Variants in RCBTB1 observed in about 807,000 individuals in gnomAD.
The protein encoded by RCBTB1 is RCC1 and BTB domain containing protein 1.
In RCBTB1, 46 loss-of-function variants were observed where a neutral mutation model predicts 62.4. The observed-to-expected ratio is 0.74, with a 90% CI of 0.58 to 0.94. RCBTB1 has a LOEUF of 0.94. Among genes scored for constraint, RCBTB1 ranks in the 40% least tolerant of loss-of-function variants. RCBTB1 has a pLI of 0.00. For missense variants in RCBTB1, 565 were observed against 654.9 expected (o/e 0.86, Z 1.50); for synonymous variants, 222 against 245.8 (o/e 0.90, Z 0.91).
chr13:49,541,937 C>T (rs554427800), intron 10 of RCBTB1, 110 bp from the exon 11 acceptor site: 108 of 1,263,764 alleles, frequency 8.5e-5, no homozygotes, highest in Non-Finnish European at 1.1e-4. Context: ...ATCCTTGGGC[C>T]GGGCGTGGTG....
intron 2 of RCBTB1, among the ~76,000 whole-genome samples, chr13:49,578,776 A>G (rs997213574): frequency 2.0e-5 from 3 of 152,244 alleles, no homozygotes; most frequent in Admixed American, 6.5e-5. Context: ...CTCAGTGAAG[A>G]TCATCCAGTT....
chr13:49,562,914 C>T (rs1962565439), intron 4 of RCBTB1, among the ~76,000 whole-genome samples: 1 of 151,144 alleles, frequency 6.6e-6, no homozygotes, highest in Admixed American at 6.6e-5. Flanking sequence ...CATGAGCCAC[C>T]ACACACAGCC....
intron 12 of RCBTB1, among the ~76,000 whole-genome samples, chr13:49,540,468 GATACAAATC>G (rs1016639466): frequency 2.8e-4 from 43 of 152,334 alleles, no homozygotes; most frequent in Admixed American, 2.4e-3. Flanking sequence ...AGCGTACACA[GATACAAATC>G]ATACACATCC....
chr13:49,547,674 C>T (rs1960924409), intron 9 of RCBTB1, among the ~76,000 whole-genome samples: 2 of 152,152 alleles, frequency 1.3e-5, no homozygotes, highest in Non-Finnish European at 2.9e-5. Flanking sequence ...TTCCACTACC[C>T]TTTATAATAC....
At chr13:49,584,175 C>T (rs1964263689) in intron 1 of RCBTB1, among the ~76,000 whole-genome samples, 1 of 152,208 alleles carries the variant, frequency 6.6e-6, no homozygotes, top group Non-Finnish European at 1.5e-5. Context: ...AAGCTACAAG[C>T]TTGACAGCTT....
chr13:49,585,278 C>A (rs1964338458), intron 1 of RCBTB1, among the ~76,000 whole-genome samples, 166 bp downstream of exon 1: 1 of 152,142 alleles, frequency 6.6e-6, no homozygotes, highest in African/African-American at 2.4e-5. Context: ...CCCCATCCCT[C>A]GCCCCGGACG....
chr13:49,558,695 C>CAAAAA (rs1186659232), intron 5 of RCBTB1, among the ~76,000 whole-genome samples: 2,083 of 58,480 alleles, frequency 0.036, 101 homozygotes, highest in African/African-American at 0.12. Context: ...ACTCTGTCTC[C>CAAAAA]AAAAAAAAAA....
chr13:49,570,665 G>C (rs1963335246), intron 2 of RCBTB1, among the ~76,000 whole-genome samples: 2 of 152,186 alleles, frequency 1.3e-5, no homozygotes, highest in Non-Finnish European at 2.9e-5. Context: ...CAGTAATATT[G>C]GCCAAGCAAG....
chr13:49,546,410 C>G (rs1443331942), intron 9 of RCBTB1: 1 of 954,628 alleles, frequency 1.0e-6, no homozygotes, highest in Non-Finnish European at 1.2e-6. Flanking sequence ...TTTTTGGTAC[C>G]AGGGACCAGT....
chr13:49,558,612 T>C (rs973084672), intron 5 of RCBTB1, among the ~76,000 whole-genome samples: 4 of 147,732 alleles, frequency 2.7e-5, no homozygotes, highest in African/African-American at 1.0e-4. Flanking sequence ...GAGAATCACT[T>C]GTACCCAGGA....
intron 1 of RCBTB1, among the ~76,000 whole-genome samples, chr13:49,582,487 C>CTAAA (rs112388488): frequency 1.2e-3 from 188 of 151,754 alleles, no homozygotes; most frequent in African/African-American, 2.4e-3. Flanking sequence ...AATTCTGTCT[C>CTAAA]TAAATAAATA....
intron 11 of RCBTB1, 119 bp downstream of exon 11, chr13:49,541,557 C>A: frequency 1.1e-6 from 1 of 925,076 alleles, no homozygotes; most frequent in Non-Finnish European, 1.6e-6. Context: ...TACTTCAAAT[C>A]TTTTTTAAGC....
At chr13:49,579,298 C>T (rs1001928168) in intron 2 of RCBTB1, among the ~76,000 whole-genome samples, 8 of 152,210 alleles carry the variant, frequency 5.3e-5, no homozygotes, top group South Asian at 4.1e-4. Context: ...CTGTCATCCA[C>T]GTCTCTCTTC....
At chr13:49,569,557 C>CAA (rs1038341291) in intron 2 of RCBTB1, among the ~76,000 whole-genome samples, 3 of 151,486 alleles carry the variant, frequency 2.0e-5, no homozygotes, top group African/African-American at 7.3e-5. Flanking sequence ...ACTGAAAATA[C>CAA]AAAAAAAATT....
At chr13:49,546,265 T>C (rs1427002671) in intron 9 of RCBTB1, 1 of 985,248 alleles carries the variant, frequency 1.0e-6, no homozygotes, top group African/African-American at 1.7e-5. Flanking sequence ...GAAGAAATCC[T>C]CCTCAAAGGG....
intron 6 of RCBTB1, among the ~76,000 whole-genome samples, chr13:49,552,743 CTT>C (rs1243515160): frequency 6.6e-6 from 1 of 152,044 alleles, no homozygotes; most frequent in Admixed American, 6.6e-5. Flanking sequence ...TTAAGGAAGA[CTT>C]TTCAAAAAGT....
At chr13:49,585,072 GA>G (rs1964318728) in intron 1 of RCBTB1, among the ~76,000 whole-genome samples, 1 of 152,190 alleles carries the variant, frequency 6.6e-6, no homozygotes, top group Admixed American at 6.5e-5. Flanking sequence ...GAGAGAATAG[GA>G]AGAGTCGGAG....
chr13:49,561,755 C>T (rs977392604), intron 4 of RCBTB1, among the ~76,000 whole-genome samples: 4 of 143,414 alleles, frequency 2.8e-5, no homozygotes, highest in African/African-American at 1.0e-4. Context: ...GAAAACCCTA[C>T]AAAAAAAAAA....
intron 8 of RCBTB1, 128 bp from the exon 9 acceptor site, chr13:49,549,776 C>T (rs1486963456): frequency 2.1e-6 from 3 of 1,436,788 alleles, no homozygotes; most frequent in Non-Finnish European, 2.7e-6. Context: ...GGGACACTAG[C>T]TGCCAAGTCA....
Sources: allele counts gnomAD v4.1 joint callset (sites outside exome capture counted in the v4.1 genomes callset), GRCh38; gene constraint gnomAD v4.1.1; transcripts MANE v1.5; gene names NCBI Gene and HGNC (gene_info 2026-07-23, HGNC 2026-07-21).